Variants in KCNIP4 observed in about 807,000 individuals in gnomAD.
KCNIP4 encodes the protein Kv channel-interacting protein 4.
KCNIP4 carries 12 observed loss-of-function variants against 34.0 expected under a neutral mutation model. The ratio of observed to expected loss-of-function variants is 0.35; its 90% CI spans 0.23 to 0.57. KCNIP4 has a LOEUF of 0.57. Ranked by LOEUF, KCNIP4 falls within the 20% of genes least tolerant of loss-of-function variation. The pLI is 0.83. For missense variants in KCNIP4, 238 were observed against 311.7 expected, an observed-to-expected ratio of 0.76 and a Z score of 1.78; for synonymous variants, 124 against 102.2, an observed-to-expected ratio of 1.21 and a Z score of -1.29.
At chr4:20,910,999 T>C (rs1022506825) in intron 1 of KCNIP4, among the ~76,000 whole-genome samples, 12 of 152,106 alleles carry the variant, frequency 7.9e-5, no homozygotes, top group South Asian at 4.1e-4. Flanking sequence ...GAAACTCACA[T>C]TGAAGATTTT....
chr4:21,844,798 T>C (rs1232245275), intron 1 of KCNIP4: 5 of 152,078 alleles, frequency 3.3e-5, no homozygotes. Flanking sequence ...ATGTGTTCTA[T>C]GTTATGCTGA....
chr4:21,152,886 G>A, intron 1 of KCNIP4, among the ~76,000 whole-genome samples: 1 of 152,188 alleles, frequency 6.6e-6, no homozygotes, highest in African/African-American at 2.4e-5. Context: ...GTTTCCTCTC[G>A]AAACAATCCC....
chr4:21,038,941 T>TGAG (rs1356191010), intron 1 of KCNIP4, among the ~76,000 whole-genome samples: 103 of 152,318 alleles, frequency 6.8e-4, no homozygotes, highest in African/African-American at 2.3e-3. Context: ...AAAAGCATCC[T>TGAG]GTGAAGGCTG....
chr4:20,870,430 T>C (rs1723325340), intron 2 of KCNIP4, among the ~76,000 whole-genome samples: 2 of 152,112 alleles, frequency 1.3e-5, no homozygotes, highest in Admixed American at 1.3e-4. Context: ...TTACAGCCTG[T>C]GCAACTGTGA....
intron 1 of KCNIP4, among the ~76,000 whole-genome samples, chr4:20,907,550 A>T (rs943108721): frequency 3.9e-5 from 6 of 152,242 alleles, no homozygotes; most frequent in African/African-American, 1.4e-4. Context: ...AATAACAGAC[A>T]TAGTTTTTTT....
At position 21,209,922 on chromosome 4, in the gene KCNIP4, T is replaced by G. The variant is rs146609851; in HGVS notation, c.62-327213A>C. 7.3e-3 allele frequency among the ~76,000 whole-genome samples: 1,117 copies of G among 152,338 alleles called. 18 individuals carry two copies. Among genetic ancestry groups the G allele is most frequent in the African/African-American group, 0.025 (1,057 of 41,590 alleles). ...TCAATAATTATTCACTTATTTTATCTGTTTTTGACTATAAACAGAGCATTG... is the reference window on the plus strand; with the variant it reads ...TCAATAATTATTCACTTATTTTATCGGTTTTTGACTATAAACAGAGCATTG... On this transcript the variant is annotated intron_variant, in intron 1 of 8. Transcript: ENST00000382152.
intron 3 of KCNIP4, among the ~76,000 whole-genome samples, chr4:20,826,066 T>G (rs1188713508): frequency 1.3e-5 from 2 of 152,188 alleles, no homozygotes; most frequent in African/African-American, 4.8e-5. Flanking sequence ...GAAGCCATAT[T>G]GAAGACAGCT....
chr4:21,760,470 C>A (rs1385715237), intron 1 of KCNIP4, among the ~76,000 whole-genome samples: 2 of 152,020 alleles, frequency 1.3e-5, no homozygotes, highest in African/African-American at 2.4e-5. Context: ...AAGTAAAATT[C>A]TAAATTTGTT....
chr4:21,227,126 C>G (rs1388443078), intron 1 of KCNIP4, among the ~76,000 whole-genome samples: 1 of 152,148 alleles, frequency 6.6e-6, no homozygotes. Context: ...ATGCTTGCAC[C>G]AGCATGTAGC....
At chr4:21,885,641 C>T (rs984188067) in intron 1 of KCNIP4, among the ~76,000 whole-genome samples, 1 of 152,062 alleles carries the variant, frequency 6.6e-6, no homozygotes, top group Non-Finnish European at 1.5e-5. Context: ...ACCAAACAAC[C>T]CTAATTTAGC....
At chr4:21,501,447 C>A (rs6819643) in intron 1 of KCNIP4, among the ~76,000 whole-genome samples, 3,696 of 152,166 alleles carry the variant, frequency 0.024, 150 homozygotes, top group African/African-American at 0.084. Context: ...CAGTCACCAT[C>A]ATATCCACCA....
chr4:21,122,195 G>C (rs936534302), intron 1 of KCNIP4, among the ~76,000 whole-genome samples: 5 of 141,904 alleles, frequency 3.5e-5, no homozygotes, highest in African/African-American at 1.3e-4. Context: ...TTTTAAGTGC[G>C]TACACATTTT....
chr4:21,875,060 A>G (rs1726031618), intron 1 of KCNIP4, among the ~76,000 whole-genome samples: 1 of 152,222 alleles, frequency 6.6e-6, no homozygotes, highest in Non-Finnish European at 1.5e-5. Flanking sequence ...CATTTTCCCT[A>G]TAAGTCTGTG....
chr4:20,761,797 A>G (rs1180023261), intron 3 of KCNIP4, among the ~76,000 whole-genome samples: 1 of 152,242 alleles, frequency 6.6e-6, no homozygotes, highest in Non-Finnish European at 1.5e-5. Flanking sequence ...GTGTCAGAGG[A>G]AACCTTTTCT....
intron 1 of KCNIP4, among the ~76,000 whole-genome samples, chr4:21,569,643 TA>T (rs1740208601): frequency 6.6e-6 from 1 of 152,126 alleles, no homozygotes; most frequent in Non-Finnish European, 1.5e-5. Context: ...AAGGATGTTC[TA>T]TTAATCAGAG....
At chr4:21,622,893 CT>C (rs1669022004) in intron 1 of KCNIP4, among the ~76,000 whole-genome samples, 1 of 152,134 alleles carries the variant, frequency 6.6e-6, no homozygotes, top group South Asian at 2.1e-4. Flanking sequence ...TATATTTCTT[CT>C]GCCATCACTC....
intron 1 of KCNIP4, among the ~76,000 whole-genome samples, chr4:21,518,442 C>A (rs1030538101): frequency 2.6e-5 from 4 of 152,134 alleles, no homozygotes; most frequent in African/African-American, 9.7e-5. Flanking sequence ...ATAGGCTGAA[C>A]AGCAACCTGC....
At chr4:21,356,113 T>C (rs920264048) in intron 1 of KCNIP4, among the ~76,000 whole-genome samples, 1 of 152,048 alleles carries the variant, frequency 6.6e-6, no homozygotes, top group Non-Finnish European at 1.5e-5. Context: ...TTCGACAAAA[T>C]TCAACAGCCC....
chr4:21,514,620 G>T (rs1734606165), intron 1 of KCNIP4, among the ~76,000 whole-genome samples: 1 of 151,986 alleles, frequency 6.6e-6, no homozygotes, highest in Admixed American at 6.6e-5. Context: ...AATCAACACA[G>T]GGTCGTTGGA....
Sources: allele counts gnomAD v4.1 joint callset (sites outside exome capture counted in the v4.1 genomes callset), GRCh38; gene constraint gnomAD v4.1.1; transcripts MANE v1.5; gene names NCBI Gene and HGNC (gene_info 2026-07-23, HGNC 2026-07-21).